Variants in ERI3 observed in about 807,000 individuals in gnomAD.
ERI3 encodes ERI1 exoribonuclease 3.
ERI3 carries 18 observed loss-of-function variants against 44.4 expected under a neutral mutation model. That is an observed-to-expected ratio of 0.41 (90% confidence interval 0.28 to 0.60). The LOEUF (loss-of-function observed/expected upper bound fraction) is 0.60. Ranked by LOEUF, ERI3 falls within the 20% of genes least tolerant of loss-of-function variation. The pLI, the probability that ERI3 is intolerant of heterozygous loss-of-function variation, is 0.36. For synonymous variants in ERI3, 183 were observed against 164.8 expected (o/e 1.11, Z -0.84); for missense variants, 294 against 435.5 (o/e 0.68, Z 2.89).
At chr1:44,251,006 G>A (rs1418478315) in intron 7 of ERI3, among the ~76,000 whole-genome samples, 1 of 152,126 alleles carries the variant, frequency 6.6e-6, no homozygotes, top group East Asian at 1.9e-4. Flanking sequence ...GCCTCACGGG[G>A]CCACCCTAAG....
chr1:44,333,148 A>G (rs1466052184), intron 3 of ERI3, among the ~76,000 whole-genome samples: 2 of 152,236 alleles, frequency 1.3e-5, no homozygotes, highest in East Asian at 1.9e-4. Flanking sequence ...ATGTCTTAAC[A>G]TATAACACCA....
Position 44,355,141 on chromosome 1 carries a change from C to G in ERI3, c.-115G>C. The G allele has an allele frequency of 8.2e-7, 1 of 1,222,706 alleles. No individual in the cohort carries two copies. The highest frequency in any genetic ancestry group is 1.0e-6 in the Non-Finnish European group (1 of 977,974). The allele number at this position is 1,222,706 out of a possible 1,614,324, so 75.7% of individuals were successfully genotyped here. A position where few individuals can be genotyped will look rare whatever the true frequency, so the allele number is the denominator to read the frequency against. On this transcript the variant is annotated 5_prime_UTR_variant, in exon 1 of 9. Transcript: ENST00000372257. The stretch of plus-strand genomic sequence containing the variant: ...AGTTGGCGGCGGCGGGCGCGGCCCG[C>G]GCCGACTGCGGCGCCGGCCAGGCAG...
At chr1:44,227,414 C>T (rs1644071679) in intron 8 of ERI3, among the ~76,000 whole-genome samples, 2 of 152,120 alleles carry the variant, frequency 1.3e-5, no homozygotes, top group Non-Finnish European at 2.9e-5. Flanking sequence ...TCTAGAACCT[C>T]AACTGTTGCC....
intron 3 of ERI3, among the ~76,000 whole-genome samples, chr1:44,328,096 T>C (rs1646351668): frequency 6.6e-6 from 1 of 152,152 alleles, no homozygotes; most frequent in South Asian, 2.1e-4. Context: ...GGGTGGTTCA[T>C]AGATTCCCTG....
intron 7 of ERI3, among the ~76,000 whole-genome samples, chr1:44,265,437 G>A (rs543751150): frequency 6.6e-6 from 1 of 152,320 alleles, no homozygotes; most frequent in East Asian, 1.9e-4. Flanking sequence ...TTTATTCACT[G>A]ACATTTACTG....
chr1:44,313,275 G>A (rs1278531625), intron 4 of ERI3, 47 bp from the exon 5 acceptor site: 2 of 1,578,332 alleles, frequency 1.3e-6, no homozygotes, highest in African/African-American at 2.7e-5. Context: ...CAGGGTGAAG[G>A]GACTCAAGGC....
At chr1:44,279,761 C>G (rs1645249270) in intron 7 of ERI3, among the ~76,000 whole-genome samples, 4 of 152,280 alleles carry the variant, frequency 2.6e-5, no homozygotes, top group Admixed American at 2.0e-4. Flanking sequence ...ATCCTCAACC[C>G]TCACAACCAA....
chr1:44,302,911 C>G lies in ERI3; in HGVS notation c.758+5399G>C, dbSNP rs572512733. ...TTATGTGCCCTTGACAAATTACTTA[C>G]CTCTCTAGGCGTCAGTTTCCTCATT... is the stretch of plus-strand genomic sequence containing the variant. On this transcript the variant is annotated intron_variant, in intron 6 of 8. Coordinates refer to ENST00000372257, the MANE Select transcript of ERI3 (RefSeq NM_024066.3). Among the ~76,000 whole-genome samples, 8 of 152,328 alleles carry G rather than the reference C, an allele frequency of 5.3e-5. No individual in the cohort carries two copies. The South Asian group carries it at 1.7e-3, about 32-fold the overall frequency.
rs1428045631 is a variant in ERI3, at chr1:44,339,235, T to C, written c.299A>G (p.Lys100Arg). 6.2e-7 allele frequency: 1 copy of C among 1,613,834 alleles called. No individual in the cohort carries two copies. The part of the protein sequence containing the change: ...FSSYLLSRAR[K>R]VLGSHLFSPC... ...AGAAAATAAGTGGGAGCCCAGCACT[T>C]TTCTTGCTCTTGAAAGTAAATACGA... Residue 100 changes from lysine (K) to arginine (R), a missense_variant, in exon 3 of 9, where the codon AAA becomes AGA. Around this residue, in one of 2 missense-constraint regions of ERI3, gnomAD observed 187 missense variants for 338.6 expected, o/e 0.55. Coordinates refer to ENST00000372257, the MANE Select transcript of ERI3 (RefSeq NM_024066.3).
At chr1:44,297,849 C>G (rs1405835680) in intron 6 of ERI3, among the ~76,000 whole-genome samples, 1 of 152,224 alleles carries the variant, frequency 6.6e-6, no homozygotes, top group African/African-American at 2.4e-5. Context: ...GGGAATCAGA[C>G]TCCAGGATAG....
intron 6 of ERI3, among the ~76,000 whole-genome samples, chr1:44,302,029 A>G (rs908659519): frequency 6.6e-6 from 1 of 152,120 alleles, no homozygotes. Flanking sequence ...AGAATGCCCA[A>G]TTCACTAAGA....
In ERI3 at chr1:44,308,293, G is replaced by A; in HGVS notation, c.758+17C>T. ...GATTCCAAGCCCTGCCAGCAAAGCA[G>A]CCCTTCTCATACTCACATGACTTTT... On this transcript the variant is annotated intron_variant, in intron 6 of 8. Transcript: ENST00000372257. 1 of 1,581,512 alleles carries A rather than the reference G, an allele frequency of 6.3e-7. No homozygotes were observed. Among genetic ancestry groups the A allele is most frequent in the South Asian group, 1.1e-5 (1 of 90,390 alleles).
intron 6 of ERI3, among the ~76,000 whole-genome samples, chr1:44,298,839 GC>G (rs1645665045): frequency 6.6e-6 from 1 of 152,324 alleles, no homozygotes; most frequent in African/African-American, 2.4e-5. Flanking sequence ...GATGACTTGA[GC>G]CCACGGAGGT....
At chr1:44,348,286 G>A (rs896832772) in intron 2 of ERI3, among the ~76,000 whole-genome samples, 6 of 152,148 alleles carry the variant, frequency 3.9e-5, no homozygotes, top group African/African-American at 1.4e-4. Flanking sequence ...TTGCCTTGGT[G>A]CCGGAATACC....
chr1:44,237,246 G>A (rs370545345), intron 8 of ERI3, among the ~76,000 whole-genome samples: 3 of 152,272 alleles, frequency 2.0e-5, no homozygotes, highest in African/African-American at 7.2e-5. Flanking sequence ...TCCCACAAAG[G>A]AGCATCTCTC....
At chr1:44,318,806 C>A (rs1646142185) in intron 4 of ERI3, among the ~76,000 whole-genome samples, 1 of 152,262 alleles carries the variant, frequency 6.6e-6, no homozygotes, top group East Asian at 1.9e-4. Flanking sequence ...CAGCCCCAGA[C>A]TCTTAAAAGA....
chr1:44,338,637 T>C (rs1373823870), intron 3 of ERI3, among the ~76,000 whole-genome samples: 3 of 152,178 alleles, frequency 2.0e-5, no homozygotes, highest in Admixed American at 6.5e-5. Flanking sequence ...ATATCTTTGA[T>C]TCAGTGCAGG....
chr1:44,326,786 C>T (rs559429191), intron 3 of ERI3, among the ~76,000 whole-genome samples: 39 of 152,320 alleles, frequency 2.6e-4, no homozygotes, highest in Non-Finnish European at 4.9e-4. Context: ...CCCCTCTCCC[C>T]ATCTCCATAG....
intron 8 of ERI3, among the ~76,000 whole-genome samples, chr1:44,229,049 C>T (rs1290192955): frequency 6.6e-6 from 1 of 152,188 alleles, no homozygotes; most frequent in Non-Finnish European, 1.5e-5. Flanking sequence ...GAGGAAGCTA[C>T]AGGCCTAGAC....
Sources: allele counts gnomAD v4.1 joint callset (sites outside exome capture counted in the v4.1 genomes callset), GRCh38; gene constraint gnomAD v4.1.1; regional missense constraint gnomAD v4.1.1; transcripts MANE v1.5; gene names NCBI Gene and HGNC (gene_info 2026-07-23, HGNC 2026-07-21).